Variants in GPC5 observed in about 807,000 individuals in gnomAD.
The protein encoded by GPC5 is glypican-5.
A neutral mutation model predicts 53.9 loss-of-function variants in GPC5; 47 were observed. The ratio of observed to expected loss-of-function variants is 0.87; its 90% CI spans 0.69 to 1.11. GPC5 has a LOEUF of 1.11. GPC5 is among the 50% of genes most tolerant of loss of function. The pLI is 0.00. For missense variants in GPC5, 748 were observed against 713.1 expected (o/e 1.05, Z -0.56); for synonymous variants, 286 against 263.3 (o/e 1.09, Z -0.84).
intron 5 of GPC5, among the ~76,000 whole-genome samples, chr13:91,828,986 C>G (rs2038616348): frequency 6.6e-6 from 1 of 151,930 alleles, no homozygotes; most frequent in Admixed American, 6.6e-5. Flanking sequence ...GACATAATGT[C>G]AAAGTGTTAC....
chr13:91,702,389 T>C (rs1174717287), intron 3 of GPC5, among the ~76,000 whole-genome samples: 1 of 152,110 alleles, frequency 6.6e-6, no homozygotes. Context: ...GAACATTTTT[T>C]TCCTATGTTT....
intron 6 of GPC5, among the ~76,000 whole-genome samples, chr13:91,962,894 T>C (rs2040139376): frequency 6.6e-6 from 1 of 152,298 alleles, no homozygotes; most frequent in Non-Finnish European, 1.5e-5. Context: ...ATTCCTCAGT[T>C]ATTGTTTTCA....
At chr13:92,053,626 A>G (rs1044062734) in intron 6 of GPC5, among the ~76,000 whole-genome samples, 2 of 152,030 alleles carry the variant, frequency 1.3e-5, no homozygotes, top group African/African-American at 4.8e-5. Flanking sequence ...TGAAAATTTT[A>G]TATACAGATA....
intron 7 of GPC5, among the ~76,000 whole-genome samples, chr13:92,540,111 T>C (rs1305368764): frequency 6.6e-6 from 1 of 151,964 alleles, no homozygotes; most frequent in East Asian, 1.9e-4. Context: ...CACATTTGAT[T>C]TGCAAAATAA....
chr13:92,746,582 T>C (rs914527607), intron 7 of GPC5, among the ~76,000 whole-genome samples: 1 of 152,070 alleles, frequency 6.6e-6, no homozygotes, highest in African/African-American at 2.4e-5. Flanking sequence ...TAATACCCAA[T>C]GTGTCTATCA....
At chr13:91,702,448 T>C (rs2036013403) in intron 3 of GPC5, among the ~76,000 whole-genome samples, 1 of 152,122 alleles carries the variant, frequency 6.6e-6, no homozygotes, top group South Asian at 2.1e-4. Flanking sequence ...CCAAAATTAA[T>C]TAACTAGAGA....
At chr13:92,746,974 A>T (rs534580249) in intron 7 of GPC5, among the ~76,000 whole-genome samples, 9 of 152,258 alleles carry the variant, frequency 5.9e-5, no homozygotes, top group African/African-American at 2.2e-4. Context: ...CCTAGGATGC[A>T]TACCTATACA....
rs113491083 is a variant in GPC5, at chr13:92,622,936, G to A, written c.1562-243346G>A. On this transcript the variant is annotated intron_variant, in intron 7 of 7. Transcript: ENST00000377067. ...AATGTGGCAAAAAAGAGAAAATAAT[G>A]AGGTCTGAGGGAAGAAGAAAGGAAT... 2.3e-3 allele frequency among the ~76,000 whole-genome samples: 353 copies of A among 152,292 alleles called. 6 individuals carry two copies. The highest frequency in any genetic ancestry group is 8.4e-3 in the African/African-American group (348 of 41,568).
chr13:92,251,609 T>A (rs181294632), intron 7 of GPC5, among the ~76,000 whole-genome samples: 7 of 152,168 alleles, frequency 4.6e-5, no homozygotes, highest in African/African-American at 1.7e-4. Flanking sequence ...AAAATTAGCT[T>A]TTTCTTGAAG....
intron 1 of GPC5, among the ~76,000 whole-genome samples, chr13:91,434,259 G>T (rs552600243): frequency 1.9e-4 from 29 of 152,286 alleles, no homozygotes; most frequent in African/African-American, 6.5e-4. Flanking sequence ...TGGTGTTTTA[G>T]ACATGAAGTC....
At chr13:91,754,232 CT>C (rs994507365) in intron 4 of GPC5, among the ~76,000 whole-genome samples, 48 of 152,136 alleles carry the variant, frequency 3.2e-4, no homozygotes, top group African/African-American at 1.1e-3. Flanking sequence ...CTTTGAAGGA[CT>C]TTAAGTGAGT....
rs145688433 is a variant in GPC5 at position 92,709,927 on chromosome 13, A to G, written c.1562-156355A>G. Among the ~76,000 whole-genome samples the G allele has an allele frequency of 3.0e-4, 46 of 152,338 alleles. No individual in the cohort carries two copies. In the East Asian group the frequency reaches 7.5e-3, roughly 25 times the overall value. ...TAAGTGGATGCCATAGCTTAAGTGT[A>G]GTTTGTAGAAAAAGATTTCTAAGAA... On this transcript the variant is annotated intron_variant, in intron 7 of 7. Transcript: ENST00000377067.
intron 2 of GPC5, among the ~76,000 whole-genome samples, chr13:91,531,120 G>A (rs139043539): frequency 3.3e-4 from 50 of 152,314 alleles, no homozygotes; most frequent in African/African-American, 1.1e-3. Context: ...AATACTGAAA[G>A]AGTAGTCTGA....
intron 7 of GPC5, among the ~76,000 whole-genome samples, chr13:92,489,249 C>T (rs1264361564): frequency 1.3e-5 from 2 of 152,142 alleles, no homozygotes; most frequent in Non-Finnish European, 2.9e-5. Context: ...TATGTCCATT[C>T]ACTTATCTAA....
chr13:91,404,104 A>T (rs1379277617), intron 1 of GPC5, among the ~76,000 whole-genome samples: 2 of 152,188 alleles, frequency 1.3e-5, no homozygotes, highest in Non-Finnish European at 2.9e-5. Context: ...CAGCCTGTTA[A>T]GGCTTTCCGG....
chr13:92,330,053 G>C (rs2043278333), intron 7 of GPC5, among the ~76,000 whole-genome samples: 1 of 151,938 alleles, frequency 6.6e-6, no homozygotes, highest in African/African-American at 2.4e-5. Flanking sequence ...TTCCTAATTA[G>C]TCAGATGGAG....
intron 7 of GPC5, among the ~76,000 whole-genome samples, chr13:92,462,065 G>A (rs934764010): frequency 6.6e-6 from 1 of 152,214 alleles, no homozygotes; most frequent in Non-Finnish European, 1.5e-5. Context: ...CAGTTAGAGA[G>A]GTACCAGTAT....
chr13:91,873,430 G>C (rs2039169409), intron 5 of GPC5, among the ~76,000 whole-genome samples: 1 of 152,074 alleles, frequency 6.6e-6, no homozygotes, highest in Non-Finnish European at 1.5e-5. Context: ...ACCTGTTGAG[G>C]GAGTAACCTG....
At chr13:92,284,418 C>G (rs942041792) in intron 7 of GPC5, among the ~76,000 whole-genome samples, 1 of 152,132 alleles carries the variant, frequency 6.6e-6, no homozygotes, top group Non-Finnish European at 1.5e-5. Context: ...GATACCAAAG[C>G]CTGACAGAGG....
Sources: gnomAD v4.1 joint callset for allele counts (sites outside exome capture counted in the v4.1 genomes callset) on GRCh38, gnomAD v4.1.1 for gene constraint, MANE v1.5 for transcripts, NCBI Gene and HGNC (gene_info 2026-07-23, HGNC 2026-07-21) for gene names.